The following PCDHGA1 variants were observed in gnomAD, a reference collection of about 807,000 sequenced individuals.
PCDHGA1 encodes the protein protocadherin gamma subfamily A, 1, also known as protocadherin gamma-A1.
In PCDHGA1, 32 loss-of-function variants were observed where a neutral mutation model predicts 58.0. That is an observed-to-expected ratio of 0.55 (90% CI 0.42 to 0.74). The LOEUF is 0.74. Among genes scored for constraint, PCDHGA1 ranks in the 30% least tolerant of loss-of-function variants. The pLI is 0.00. For synonymous variants in PCDHGA1, 498 were observed against 501.1 expected (o/e 0.99, Z 0.08); for missense variants, 1,205 against 1,182.3 (o/e 1.02, Z -0.28).
chr5:141,414,849 C>G (rs10038103), intron 1 of PCDHGA1: 1 of 1,614,134 alleles, frequency 6.2e-7, no homozygotes, highest in African/African-American at 1.3e-5. Flanking sequence ...TTGTGCTGGA[C>G]CAGAACGACA....
intron 1 of PCDHGA1, among the ~76,000 whole-genome samples, chr5:141,473,267 C>G (rs1458810488): frequency 1.3e-5 from 2 of 152,248 alleles, no homozygotes; most frequent in African/African-American, 2.4e-5. Flanking sequence ...TTAGTGTATG[C>G]TATGATTATT....
intron 1 of PCDHGA1, among the ~76,000 whole-genome samples, chr5:141,456,968 A>AAAAC (rs202005606): frequency 1.3e-4 from 20 of 152,282 alleles, no homozygotes; most frequent in Middle Eastern, 3.4e-3. Flanking sequence ...ATCTCAAAAC[A>AAAAC]AAACAAACAA....
intron 1 of PCDHGA1, among the ~76,000 whole-genome samples, chr5:141,380,688 T>C (rs1176696155): frequency 6.6e-6 from 1 of 152,260 alleles, no homozygotes; most frequent in Non-Finnish European, 1.5e-5. Flanking sequence ...TGCTTTGTGT[T>C]CGGAGTAGTC....
At chr5:141,344,673 G>A in intron 1 of PCDHGA1, 1 of 1,613,990 alleles carries the variant, frequency 6.2e-7, no homozygotes, top group Non-Finnish European at 8.5e-7. Flanking sequence ...TGTCCTGGTT[G>A]CCTCTGATGG....
intron 1 of PCDHGA1, chr5:141,365,169 CTT>C: frequency 1.2e-6 from 2 of 1,613,926 alleles, no homozygotes; most frequent in South Asian, 2.2e-5. Flanking sequence ...TTGACCTACT[CTT>C]TTCGCAATGA....
chr5:141,404,325 C>G (rs762306578), intron 1 of PCDHGA1: 7 of 1,613,876 alleles, frequency 4.3e-6, no homozygotes, highest in Non-Finnish European at 5.9e-6. Flanking sequence ...GCCTCCTACT[C>G]AGTCTACCTC....
rs181397365 is a variant in PCDHGA1, at chr5:141,481,810, G to A, written c.2422-12997G>A. Among the ~76,000 whole-genome samples, 99 of 151,944 alleles carry A rather than the reference G, an allele frequency of 6.5e-4. 1 individual carries two copies. The highest frequency in any genetic ancestry group is 2.4e-3 in the African/African-American group (98 of 41,418). On this transcript the variant is annotated intron_variant, in intron 1 of 3. Transcript: ENST00000517417. ...CTACTAAAAATACAAAAATTCACCA[G>A]GCGTGGTGGCTGAGGCAGGAGAATC...
intron 1 of PCDHGA1, chr5:141,370,131 T>C (rs1459064446): frequency 2.5e-6 from 1 of 401,420 alleles, no homozygotes; most frequent in African/African-American, 2.0e-5. Context: ...TATTTGGAGC[T>C]GATTTAGTCA....
chr5:141,423,671 T>C (rs773279181), intron 1 of PCDHGA1: 7 of 1,550,720 alleles, frequency 4.5e-6, no homozygotes, highest in Non-Finnish European at 5.2e-6. Context: ...GTGAGATTTA[T>C]TTCTCTGCCT....
In PCDHGA1 at chr5:141,489,705, C is replaced by G; in HGVS notation, c.2422-5102C>G. The G allele has an allele frequency of 6.2e-7, 1 of 1,614,022 alleles. No homozygotes were observed. The highest frequency in any genetic ancestry group is 1.1e-5 in the South Asian group (1 of 91,074). ...CATCTGGGGCACGATTCCCACTGGA[C>G]AGTGCCCAGGATCCGGATGTGGGCA... On this transcript the variant is annotated intron_variant, in intron 1 of 3. Coordinates refer to ENST00000517417, the MANE Select transcript of PCDHGA1 (RefSeq NM_018912.3). The surrounding 1 kb of genome is among the most constrained non-coding windows in gnomAD (Gnocchi z 4.5).
At chr5:141,350,677 T>C (rs748787935) in intron 1 of PCDHGA1, 2 of 1,614,020 alleles carry the variant, frequency 1.2e-6, no homozygotes, top group Admixed American at 1.7e-5. Flanking sequence ...ACTTAGAAAT[T>C]TGTGAGTCAG....
intron 1 of PCDHGA1, chr5:141,414,350 C>T (rs1450829111): frequency 1.9e-6 from 3 of 1,613,726 alleles, no homozygotes; most frequent in Admixed American, 1.7e-5. Flanking sequence ...TCCATTTTGG[C>T]GTATCTACCA....
chr5:141,361,356 C>T lies in PCDHGA1; in HGVS notation c.2421+28251C>T, dbSNP rs546446580. The T allele has an allele frequency of 7.4e-6, 12 of 1,613,984 alleles. 1 individual carries two copies. In the Middle Eastern group the frequency reaches 5.0e-4, roughly 67 times the overall value. On this transcript the variant is annotated intron_variant, in intron 1 of 3. Coordinates refer to ENST00000517417, the MANE Select transcript of PCDHGA1 (RefSeq NM_018912.3). ...AGAACTATTACAAACTAGTGACAGA[C>T]GGCGCTCTGGACCGGGAGGAGATCC...
intron 1 of PCDHGA1, among the ~76,000 whole-genome samples, chr5:141,407,687 G>A (rs866314437): frequency 1.3e-5 from 2 of 152,126 alleles, no homozygotes; most frequent in African/African-American, 2.4e-5. Context: ...TGGCTTTGTG[G>A]TGATCATTGT....
chr5:141,337,253 C>T (rs928059035), intron 1 of PCDHGA1, among the ~76,000 whole-genome samples: 2 of 152,166 alleles, frequency 1.3e-5, no homozygotes, highest in Non-Finnish European at 2.9e-5. Flanking sequence ...ACCATATAAT[C>T]CAGCAATTCC....
At chr5:141,377,760 A>T (rs991785557) in intron 1 of PCDHGA1, 3 of 152,200 alleles carry the variant, frequency 2.0e-5, no homozygotes, top group South Asian at 4.1e-4. Context: ...GGGACACCAG[A>T]TCTTTGGTGT....
At chr5:141,423,095 A>G (rs2096708889) in intron 1 of PCDHGA1, 3 of 1,613,978 alleles carry the variant, frequency 1.9e-6, no homozygotes, top group Non-Finnish European at 2.5e-6. Flanking sequence ...GTGGGGGAGC[A>G]CACGGGCGAG....
intron 1 of PCDHGA1, chr5:141,423,607 A>T (rs777606404): frequency 6.2e-7 from 1 of 1,612,176 alleles, no homozygotes; most frequent in Admixed American, 1.7e-5. Flanking sequence ...GCCACTCTTG[A>T]TAGCTGAAGA....
chr5:141,343,187 T>C, intron 1 of PCDHGA1: 1 of 553,426 alleles, frequency 1.8e-6, no homozygotes, highest in Non-Finnish European at 2.3e-6. Flanking sequence ...TCCCCAAACA[T>C]ATTGTCTGAT....
Sources: allele counts gnomAD v4.1 joint callset (sites outside exome capture counted in the v4.1 genomes callset), GRCh38; gene constraint gnomAD v4.1.1; non-coding constraint Gnocchi (gnomAD v3.1); transcripts MANE v1.5; gene names NCBI Gene and HGNC (gene_info 2026-07-23, HGNC 2026-07-21).